Variants in HEMK2 observed in about 807,000 individuals in gnomAD.
HEMK2 encodes the protein methyltransferase HEMK2.
chr21:28,667,333 A>C, the HEMK2 span, among the ~76,000 whole-genome samples: 3 of 152,210 alleles, frequency 2.0e-5, no homozygotes, highest in African/African-American at 7.2e-5. Flanking sequence ...AAGTGAAATG[A>C]GAAGCCATAA....
chr21:28,691,925 T>C, the HEMK2 span, among the ~76,000 whole-genome samples: 12 of 152,152 alleles, frequency 7.9e-5, no homozygotes, highest in Admixed American at 7.9e-4. Flanking sequence ...ACCAAAAAAC[T>C]GTTTATTGGC....
the HEMK2 span, among the ~76,000 whole-genome samples, chr21:28,883,966 T>A: frequency 2.0e-4 from 30 of 152,214 alleles, no homozygotes; most frequent in East Asian, 7.7e-4. Context: ...TAGGGAAATT[T>A]TTAGCACTGA....
At chr21:28,627,645 A>AT in the HEMK2 span, among the ~76,000 whole-genome samples, 1 of 152,202 alleles carries the variant, frequency 6.6e-6, no homozygotes, top group African/African-American at 2.4e-5. Context: ...AGATTTGTGT[A>AT]TACAGTGAGG....
the HEMK2 span, among the ~76,000 whole-genome samples, chr21:28,757,312 T>G: frequency 9.2e-5 from 14 of 152,198 alleles, no homozygotes; most frequent in Non-Finnish European, 1.6e-4. Flanking sequence ...TAAGAATATT[T>G]CATACCATGG....
chr21:28,852,832 C>T, the HEMK2 span, among the ~76,000 whole-genome samples: 10 of 152,154 alleles, frequency 6.6e-5, no homozygotes, highest in Non-Finnish European at 1.3e-4. Flanking sequence ...CTTCTAGGAA[C>T]ACCATGATTA....
the HEMK2 span, among the ~76,000 whole-genome samples, chr21:28,864,913 T>TAGATAGATAGATAGATAGATAG: frequency 5.6e-5 from 8 of 144,088 alleles, no homozygotes; most frequent in African/African-American, 1.9e-4. Flanking sequence ...AGATAGATGA[T>TAGATAGATAGATAGATAGATAG]ATAGATAGAT....
At chr21:28,738,948 T>C in the HEMK2 span, among the ~76,000 whole-genome samples, 241 of 152,336 alleles carry the variant, frequency 1.6e-3, 1 homozygote, top group Non-Finnish European at 2.7e-3. Context: ...ATTAGCTTTC[T>C]CTGAATAATT....
chr21:28,866,011 G>A, the HEMK2 span, among the ~76,000 whole-genome samples: 1 of 151,476 alleles, frequency 6.6e-6, no homozygotes, highest in African/African-American at 2.4e-5. Flanking sequence ...AATAAGAATA[G>A]TATAAGTTTT....
chr21:28,780,473 A>G, the HEMK2 span, among the ~76,000 whole-genome samples: 1 of 114,656 alleles, frequency 8.7e-6, no homozygotes, highest in Non-Finnish European at 1.6e-5. Context: ...CACCATGCCC[A>G]GCTAATTTTT....
At chr21:28,581,871 G>A in the HEMK2 span, among the ~76,000 whole-genome samples, 1 of 152,202 alleles carries the variant, frequency 6.6e-6, no homozygotes, top group Non-Finnish European at 1.5e-5. Flanking sequence ...GCAGTGTGAA[G>A]CTTGCAATGG....
chr21:28,861,744 A>C, the HEMK2 span, among the ~76,000 whole-genome samples: 1 of 152,302 alleles, frequency 6.6e-6, no homozygotes, highest in African/African-American at 2.4e-5. Context: ...GTTCTCCAGA[A>C]GGCCATGTAT....
the HEMK2 span, among the ~76,000 whole-genome samples, chr21:28,781,382 A>G: frequency 6.6e-6 from 1 of 152,140 alleles, no homozygotes; most frequent in Non-Finnish European, 1.5e-5. Context: ...AATTGGGCAA[A>G]TGAGACATAT....
At chr21:28,724,801 A>G in the HEMK2 span, among the ~76,000 whole-genome samples, 1 of 152,066 alleles carries the variant, frequency 6.6e-6, no homozygotes, top group Non-Finnish European at 1.5e-5. Flanking sequence ...TTGTTTTTTG[A>G]GACAGGGTCT....
chr21:28,675,513 A>G, the HEMK2 span, among the ~76,000 whole-genome samples: 1 of 152,234 alleles, frequency 6.6e-6, no homozygotes, highest in Non-Finnish European at 1.5e-5. Flanking sequence ...AAAAGAGGGC[A>G]AGTTGAACAC....
At chr21:28,627,958 A>T in the HEMK2 span, among the ~76,000 whole-genome samples, 3 of 152,264 alleles carry the variant, frequency 2.0e-5, no homozygotes, top group South Asian at 6.2e-4. Flanking sequence ...CAAGTGTCCA[A>T]TGGGAAACCT....
the HEMK2 span, among the ~76,000 whole-genome samples, chr21:28,704,569 A>AGC: frequency 2.7e-5 from 4 of 150,194 alleles, no homozygotes; most frequent in Non-Finnish European, 5.9e-5. Flanking sequence ...AAAAAAAAAA[A>AGC]AAAAAAAAAC....
chr21:28,863,413 T>A, the HEMK2 span, among the ~76,000 whole-genome samples: 1 of 24,126 alleles, frequency 4.1e-5, no homozygotes, highest in Non-Finnish European at 1.0e-4. Context: ...CTCCCTTTTA[T>A]ATATATATAT....
the HEMK2 span, among the ~76,000 whole-genome samples, chr21:28,810,126 A>G: frequency 6.6e-6 from 1 of 152,170 alleles, no homozygotes; most frequent in Admixed American, 6.5e-5. Context: ...CTCTCCATTA[A>G]GCAGTATCCA....
the HEMK2 span, among the ~76,000 whole-genome samples, chr21:28,719,941 G>C: frequency 1.3e-5 from 2 of 152,238 alleles, no homozygotes; most frequent in African/African-American, 4.8e-5. Flanking sequence ...AGCTGAGGTT[G>C]AACAAGGCAA....
Sources: allele counts gnomAD v4.1 joint callset (sites outside exome capture counted in the v4.1 genomes callset), GRCh38; gene constraint gnomAD v4.1.1; transcripts MANE v1.5; gene names NCBI Gene and HGNC (gene_info 2026-07-23, HGNC 2026-07-21).